The following GMDS variants were observed in gnomAD, a reference collection of about 807,000 sequenced individuals.
GMDS encodes the protein GDP-mannose 4,6 dehydratase.
Under a neutral mutation model 49.9 loss-of-function variants are expected in GMDS, and 20 were observed. That is an observed-to-expected ratio of 0.40 (90% CI 0.28 to 0.58). GMDS has a LOEUF of 0.58. GMDS is among the 20% of genes least tolerant of loss of function. The probability of loss-of-function intolerance (pLI) is 0.42; values close to 1 mark genes in which losing one functional copy is unlikely to be tolerated. For synonymous variants in GMDS, 177 were observed against 178.6 expected, an observed-to-expected ratio of 0.99 and a Z score of 0.07; for missense variants, 362 against 481.4, an observed-to-expected ratio of 0.75 and a Z score of 2.32.
At chr6:2,209,570 TACAC>T (rs61216869) in intron 1 of GMDS, among the ~76,000 whole-genome samples, 1,958 of 135,870 alleles carry the variant, frequency 0.014, 11 homozygotes, top group African/African-American at 0.023. Flanking sequence ...CACATACACA[TACAC>T]ACACACACAC....
intron 4 of GMDS, among the ~76,000 whole-genome samples, chr6:1,993,478 T>C (rs922789019): frequency 9.2e-5 from 14 of 152,176 alleles, no homozygotes; most frequent in African/African-American, 1.7e-4. Context: ...TGGCAGCTGC[T>C]AGATGCTCAA....
At chr6:1,786,492 T>C (rs1178528562) in intron 7 of GMDS, among the ~76,000 whole-genome samples, 1 of 152,186 alleles carries the variant, frequency 6.6e-6, no homozygotes, top group African/African-American at 2.4e-5. Flanking sequence ...TAGCAGAGGC[T>C]TCATGGGCAG....
At chr6:2,178,564 G>T (rs546510806) in intron 1 of GMDS, among the ~76,000 whole-genome samples, 44 of 152,122 alleles carry the variant, frequency 2.9e-4, no homozygotes, top group African/African-American at 1.1e-3. Flanking sequence ...CAACACCAGG[G>T]GTTCCAATCC....
intron 4 of GMDS, among the ~76,000 whole-genome samples, chr6:1,991,049 C>T (rs1334637500): frequency 2.0e-5 from 3 of 151,922 alleles, no homozygotes; most frequent in Admixed American, 6.6e-5. Context: ...TTTGGGTTCT[C>T]TACCCCTCCT....
chr6:2,062,915 C>T (rs542163458), intron 4 of GMDS, among the ~76,000 whole-genome samples: 12 of 152,352 alleles, frequency 7.9e-5, no homozygotes, highest in African/African-American at 2.4e-4. Context: ...CTCTTTCTCA[C>T]TTGTAAGGGT....
At chr6:2,103,209 A>C (rs1774027159) in intron 4 of GMDS, among the ~76,000 whole-genome samples, 1 of 152,252 alleles carries the variant, frequency 6.6e-6, no homozygotes, top group South Asian at 2.1e-4. Flanking sequence ...TGGGGGAAGC[A>C]GCTAGAGGAT....
intron 7 of GMDS, among the ~76,000 whole-genome samples, chr6:1,848,075 T>C (rs1757494107): frequency 6.6e-6 from 1 of 152,154 alleles, no homozygotes; most frequent in Non-Finnish European, 1.5e-5. Flanking sequence ...GGCACTGCTG[T>C]TAGTTTGTCT....
At chr6:2,104,916 C>T (rs959185398) in intron 4 of GMDS, among the ~76,000 whole-genome samples, 2 of 152,060 alleles carry the variant, frequency 1.3e-5, no homozygotes, top group African/African-American at 2.4e-5. Context: ...GGTGCGGTGG[C>T]TCACGCCTAT....
intron 7 of GMDS, among the ~76,000 whole-genome samples, chr6:1,903,738 T>C (rs887235377): frequency 6.6e-6 from 1 of 152,136 alleles, no homozygotes; most frequent in Non-Finnish European, 1.5e-5. Context: ...TGTCCTGTTT[T>C]CTCCAAACTA....
At chr6:2,234,756 G>A (rs962147412) in intron 1 of GMDS, among the ~76,000 whole-genome samples, 17 of 152,166 alleles carry the variant, frequency 1.1e-4, no homozygotes, top group African/African-American at 4.1e-4. Flanking sequence ...CTAAATGAAG[G>A]TATGAGAGTT....
At chr6:2,010,012 G>A (rs1005090566) in intron 4 of GMDS, among the ~76,000 whole-genome samples, 6 of 152,114 alleles carry the variant, frequency 3.9e-5, no homozygotes, top group African/African-American at 1.2e-4. Flanking sequence ...CGAACCCTGA[G>A]CAGGATAAAC....
In GMDS at chr6:2,003,363, A is replaced by G. The variant is rs952299781; in HGVS notation, c.346-42397T>C. 4.6e-5 allele frequency among the ~76,000 whole-genome samples: 7 copies of G among 152,308 alleles called. 1 individual carries two copies. The East Asian group carries it at 1.4e-3, about 29-fold the overall frequency. ...GTATTTCAATTTTGCAAATTAGGAA[A>G]CCATAAGTAAAATAATTTACTTAAA... On this transcript the variant is annotated intron_variant, in intron 4 of 10. Transcript: ENST00000380815.
intron 7 of GMDS, among the ~76,000 whole-genome samples, chr6:1,923,105 C>G (rs150161780): frequency 1.3e-5 from 2 of 152,200 alleles, no homozygotes; most frequent in African/African-American, 2.4e-5. Context: ...TGTGAGGCCT[C>G]CCCAGCCACG....
chr6:1,697,056 C>T (rs571425206), intron 9 of GMDS, among the ~76,000 whole-genome samples: 15 of 152,294 alleles, frequency 9.8e-5, no homozygotes, highest in South Asian at 2.1e-4. Flanking sequence ...TCTGTCACAC[C>T]GTAGGAGCCC....
intron 6 of GMDS, among the ~76,000 whole-genome samples, chr6:1,957,676 C>G (rs1763716012): frequency 6.6e-6 from 1 of 152,172 alleles, no homozygotes; most frequent in African/African-American, 2.4e-5. Context: ...AAAGAGAGAA[C>G]TTTTCTGAAG....
chr6:2,217,511 T>C (rs1780395598), intron 1 of GMDS, among the ~76,000 whole-genome samples: 1 of 152,232 alleles, frequency 6.6e-6, no homozygotes, highest in Non-Finnish European at 1.5e-5. Flanking sequence ...AACTTGCTTT[T>C]GAACTAAGCC....
chr6:2,179,543 T>G (rs1042151097), intron 1 of GMDS, among the ~76,000 whole-genome samples: 3 of 152,214 alleles, frequency 2.0e-5, no homozygotes, highest in African/African-American at 7.2e-5. Flanking sequence ...GAGAACATCC[T>G]CCAGAGGATG....
At chr6:2,243,312 C>T (rs1423588202) in intron 1 of GMDS, among the ~76,000 whole-genome samples, 3 of 152,186 alleles carry the variant, frequency 2.0e-5, no homozygotes, top group Non-Finnish European at 2.9e-5. Context: ...CACTCAGTTC[C>T]AGCCAAATGA....
At chr6:2,012,683 C>T (rs950584662) in intron 4 of GMDS, among the ~76,000 whole-genome samples, 5 of 152,002 alleles carry the variant, frequency 3.3e-5, no homozygotes, top group Non-Finnish European at 5.9e-5. Context: ...TTGAGATTGG[C>T]TTATCTGAAG....
Sources: gnomAD v4.1 joint callset for allele counts (sites outside exome capture counted in the v4.1 genomes callset) on GRCh38, gnomAD v4.1.1 for gene constraint, MANE v1.5 for transcripts, NCBI Gene and HGNC (gene_info 2026-07-23, HGNC 2026-07-21) for gene names.